The following RAB9B variants were observed in gnomAD, a reference collection of about 807,000 sequenced individuals.
The protein encoded by RAB9B is ras-related protein Rab-9B.
RAB9B carries 1 observed loss-of-function variant against 8.9 expected under a neutral mutation model. The observed-to-expected ratio is 0.11, with a 90% CI of 0.04 to 0.53. The LOEUF is 0.53. Among genes scored for constraint, RAB9B ranks in the 20% least tolerant of loss-of-function variants. The pLI is 0.93. For synonymous variants in RAB9B, 63 were observed against 57.0 expected (o/e 1.10, Z -0.47); for missense variants, 82 against 152.9 (o/e 0.54, Z 2.45).
intron 1 of RAB9B, among the ~76,000 whole-genome samples, chrX:103,830,208 T>C (rs920910900): frequency 9.0e-6 from 1 of 110,951 alleles, no homozygotes; most frequent in African/African-American, 3.3e-5. Context: ...CGGTGGGTGC[T>C]GGCCTCTCCA....
At chrX:103,777,209 C>T in the RAB9B span, among the ~76,000 whole-genome samples, 8 of 111,864 alleles carry the variant, frequency 7.2e-5, no homozygotes, top group Non-Finnish European at 1.1e-4. Flanking sequence ...TCCAGCAGCA[C>T]GTGGAGAGTC....
chrX:103,786,528 C>T, the RAB9B span: 202 of 1,208,759 alleles, frequency 1.7e-4, no homozygotes, highest in Middle Eastern at 6.9e-4. Context: ...ATGGGGCCCT[C>T]CTGCTGGCTG....
the RAB9B span, among the ~76,000 whole-genome samples, chrX:103,783,427 T>A: frequency 8.9e-6 from 1 of 112,684 alleles, no homozygotes; most frequent in Non-Finnish European, 1.9e-5. Context: ...GCTCCAAATG[T>A]TAGCTGCTTA....
downstream of RAB9B, among the ~76,000 whole-genome samples, chrX:103,817,639 TTA>T (rs2074644743): frequency 9.1e-6 from 1 of 110,057 alleles, no homozygotes; most frequent in Non-Finnish European, 1.9e-5. Flanking sequence ...ATATATAAGT[TTA>T]GTCTATGGCG....
At chrX:103,809,141 C>G in the RAB9B span, among the ~76,000 whole-genome samples, 1 of 109,149 alleles carries the variant, frequency 9.2e-6, no homozygotes, top group Non-Finnish European at 1.9e-5. Context: ...AGGGAGAGAC[C>G]AGAGCATGAT....
chrX:103,807,908 T>C, the RAB9B span, among the ~76,000 whole-genome samples: 1 of 112,294 alleles, frequency 8.9e-6, no homozygotes, highest in Non-Finnish European at 1.9e-5. Context: ...CCTGGAATCT[T>C]CTGAGCACTG....
chrX:103,813,448 G>GTT, the RAB9B span, among the ~76,000 whole-genome samples: 1 of 107,673 alleles, frequency 9.3e-6, no homozygotes, highest in Non-Finnish European at 1.9e-5. Context: ...CACAAGAACT[G>GTT]TTTGTTTTTG....
At chrX:103,781,465 G>A in the RAB9B span, among the ~76,000 whole-genome samples, 7 of 112,034 alleles carry the variant, frequency 6.2e-5, no homozygotes, top group African/African-American at 1.9e-4. Flanking sequence ...TTTTCCCTTT[G>A]CTTACATTTT....
chrX:103,801,863 T>G, the RAB9B span, among the ~76,000 whole-genome samples: 1 of 111,053 alleles, frequency 9.0e-6, no homozygotes, highest in Admixed American at 9.7e-5. Flanking sequence ...TATAACAAAC[T>G]TTCCTGTTTG....
At position 103,822,470 on chromosome X, in the gene RAB9B, G is replaced by C. The variant is rs775363383; in HGVS notation, c.*2709C>G. Reference sequence around the variant, plus strand: ...TTGTGGAATACCTCAGAATAAAGTAGAGATGGCTGGGGCAGGCACAAATTA... The same window carrying C: ...TTGTGGAATACCTCAGAATAAAGTACAGATGGCTGGGGCAGGCACAAATTA... On this transcript the variant is annotated 3_prime_UTR_variant, in exon 3 of 3. Coordinates refer to ENST00000243298, the MANE Select transcript of RAB9B (RefSeq NM_016370.4). The C allele has an allele frequency of 9.0e-6, 1 of 111,554 alleles. No individual in the cohort carries two copies. Among genetic ancestry groups the C allele is most frequent in the South Asian group, 3.8e-4 (1 of 2,651 alleles). 9.2% of individuals were successfully genotyped at this position (111,554 alleles called of 1,213,427 possible). A position where few individuals can be genotyped will look rare whatever the true frequency, so the allele number is the denominator to read the frequency against.
At chrX:103,801,887 G>A in the RAB9B span, among the ~76,000 whole-genome samples, 1 of 111,082 alleles carries the variant, frequency 9.0e-6, no homozygotes, top group South Asian at 3.8e-4. Flanking sequence ...TCCTGGGAGA[G>A]GGGCATGTCA....
the RAB9B span, among the ~76,000 whole-genome samples, chrX:103,802,157 G>C: frequency 9.3e-6 from 1 of 107,081 alleles, no homozygotes; most frequent in South Asian, 4.4e-4. Context: ...AGGTGAGAGA[G>C]GAAAATAGGG....
chrX:103,794,018 AACT>A, the RAB9B span, among the ~76,000 whole-genome samples: 1 of 112,106 alleles, frequency 8.9e-6, no homozygotes, highest in Non-Finnish European at 1.9e-5. Flanking sequence ...TTCATTGAGA[AACT>A]ACTAAGTATT....
Position 103,825,053 on chromosome X carries a change from G to A in RAB9B, c.*126C>T. On this transcript the variant is annotated 3_prime_UTR_variant, in exon 3 of 3. Transcript: ENST00000243298. ...TCTACACTTCAATTTGAAAGGCTCT[G>A]TTTCACAATCAGAACCTTGTCTCTT... is the stretch of plus-strand genomic sequence containing the variant. 1.3e-6 allele frequency: 1 copy of A among 741,967 alleles called. No individual in the cohort carries two copies. Among genetic ancestry groups the A allele is most frequent in the African/African-American group, 2.1e-5 (1 of 47,370 alleles). The allele number at this position is 741,967 out of a possible 1,213,427, so 61.1% of individuals were successfully genotyped here.
chrX:103,802,233 AG>A, the RAB9B span, among the ~76,000 whole-genome samples: 35 of 83,238 alleles, frequency 4.2e-4, no homozygotes, highest in African/African-American at 1.7e-3. Context: ...AGAGAGAGAG[AG>A]AAAAAAAGGG....
At chrX:103,819,801 G>A (rs771462346), downstream of RAB9B, among the ~76,000 whole-genome samples, 1 of 112,244 alleles carries the variant, frequency 8.9e-6, no homozygotes, top group South Asian at 3.7e-4. Context: ...AAATTAAAAT[G>A]ACCAGTTTGG....
chrX:103,790,561 C>G, the RAB9B span: 2 of 1,207,048 alleles, frequency 1.7e-6, no homozygotes, highest in South Asian at 3.5e-5. Context: ...TACAACTTTG[C>G]CGTCCTTAAA....
the RAB9B span, among the ~76,000 whole-genome samples, chrX:103,783,389 T>G: frequency 8.9e-6 from 1 of 112,579 alleles, no homozygotes; most frequent in African/African-American, 3.2e-5. Flanking sequence ...CTGGCAGCAA[T>G]GCTTTAGTTC....
chrX:103,817,996 G>A (rs1164401262), downstream of RAB9B, among the ~76,000 whole-genome samples: 3 of 110,958 alleles, frequency 2.7e-5, no homozygotes, highest in Non-Finnish European at 5.7e-5. Context: ...CTATAATATG[G>A]CAGTATATTT....
Sources: allele counts gnomAD v4.1 joint callset (sites outside exome capture counted in the v4.1 genomes callset), GRCh38; gene constraint gnomAD v4.1.1; transcripts MANE v1.5; gene names NCBI Gene and HGNC (gene_info 2026-07-23, HGNC 2026-07-21).